Variants in PLA2G4A observed in about 807,000 individuals in gnomAD.
The protein encoded by PLA2G4A is phospholipase A2 group IVA.
A neutral mutation model predicts 81.9 loss-of-function variants in PLA2G4A; 40 were observed. The observed-to-expected ratio is 0.49, with a 90% CI of 0.38 to 0.64. The LOEUF (loss-of-function observed/expected upper bound fraction) is 0.64, where lower values mean the gene tolerates loss of function less well. Among genes scored for constraint, PLA2G4A ranks in the 30% least tolerant of loss-of-function variants. PLA2G4A has a pLI of 0.00. For missense variants in PLA2G4A, 715 were observed against 905.1 expected (o/e 0.79, Z 2.69); for synonymous variants, 302 against 296.9 (o/e 1.02, Z -0.18).
intron 3 of PLA2G4A, among the ~76,000 whole-genome samples, chr1:186,885,320 A>G (rs1383584671): frequency 3.3e-5 from 5 of 152,154 alleles, no homozygotes; most frequent in African/African-American, 1.2e-4. Context: ...ACCAAATTAA[A>G]AGGGGCCTAA....
chr1:186,979,862 A>C (rs950016876), intron 17 of PLA2G4A, among the ~76,000 whole-genome samples: 1 of 151,594 alleles, frequency 6.6e-6, no homozygotes, highest in Non-Finnish European at 1.5e-5. Flanking sequence ...TATAACATGA[A>C]TTTTAATAAA....
chr1:186,983,083 C>CAAAAAAAAAAAAAA (rs542890862), intron 17 of PLA2G4A, among the ~76,000 whole-genome samples: 1 of 99,038 alleles, frequency 1.0e-5, no homozygotes, highest in African/African-American at 3.3e-5. Flanking sequence ...GAGTCTGTCT[C>CAAAAAAAAAAAAAA]AAAAAAAAAA....
At chr1:186,886,365 C>G (rs2102094173) in intron 3 of PLA2G4A, among the ~76,000 whole-genome samples, 1 of 152,172 alleles carries the variant, frequency 6.6e-6, no homozygotes, top group East Asian at 1.9e-4. Context: ...AATGCTGGGT[C>G]TATTGGTTAC....
chr1:186,892,673 A>C (rs1264438951), intron 3 of PLA2G4A, among the ~76,000 whole-genome samples: 4 of 152,154 alleles, frequency 2.6e-5, no homozygotes, highest in African/African-American at 9.7e-5. Flanking sequence ...GGTGAAGGTC[A>C]TGTTGGCGTT....
At chr1:186,956,368 G>A (rs1302556299) in intron 14 of PLA2G4A, 24 bp downstream of exon 14, 2 of 1,596,150 alleles carry the variant, frequency 1.3e-6, no homozygotes, top group Non-Finnish European at 1.7e-6. Flanking sequence ...TATAATTAGT[G>A]GGAGCTAATG....
chr1:186,873,505 T>C (rs1395281474), intron 3 of PLA2G4A, among the ~76,000 whole-genome samples: 2 of 152,096 alleles, frequency 1.3e-5, no homozygotes, highest in East Asian at 3.9e-4. Context: ...GAATGATAGA[T>C]TACTATTGGA....
At chr1:186,847,842 G>A (rs1652239599) in intron 1 of PLA2G4A, among the ~76,000 whole-genome samples, 1 of 151,944 alleles carries the variant, frequency 6.6e-6, no homozygotes, top group Non-Finnish European at 1.5e-5. Context: ...CTCATCAGAG[G>A]GTTTAACATT....
chr1:186,848,626 G>T (rs974807292), intron 1 of PLA2G4A, among the ~76,000 whole-genome samples: 1 of 152,190 alleles, frequency 6.6e-6, no homozygotes, highest in Admixed American at 6.5e-5. Context: ...GCCCTGAATA[G>T]AATCAAAGAA....
intron 1 of PLA2G4A, among the ~76,000 whole-genome samples, chr1:186,836,915 G>A (rs964599731): frequency 6.6e-6 from 1 of 152,168 alleles, no homozygotes; most frequent in African/African-American, 2.4e-5. Flanking sequence ...AGGGCTCTCT[G>A]AGGCATAGAA....
intron 13 of PLA2G4A, among the ~76,000 whole-genome samples, chr1:186,951,702 CAGA>C (rs1471513971): frequency 6.6e-6 from 1 of 152,102 alleles, no homozygotes; most frequent in Admixed American, 6.6e-5. Context: ...ATTACTTCCT[CAGA>C]AGATGTGTTT....
chr1:186,842,751 G>T (rs975112350), intron 1 of PLA2G4A, among the ~76,000 whole-genome samples: 1 of 152,022 alleles, frequency 6.6e-6, no homozygotes, highest in Non-Finnish European at 1.5e-5. Context: ...AACCAAAGCT[G>T]CCAAACTTTG....
chr1:186,831,006 C>A (rs1223700530), intron 1 of PLA2G4A, among the ~76,000 whole-genome samples: 3 of 137,880 alleles, frequency 2.2e-5, no homozygotes, highest in African/African-American at 8.3e-5. Flanking sequence ...TTCTTTCTTT[C>A]TTTCTTTCTT....
chr1:186,866,013 T>C (rs963320366), intron 2 of PLA2G4A, among the ~76,000 whole-genome samples: 2 of 152,196 alleles, frequency 1.3e-5, no homozygotes, highest in South Asian at 2.1e-4. Flanking sequence ...AGATTTGACA[T>C]CTCAATTGAA....
intron 7 of PLA2G4A, among the ~76,000 whole-genome samples, chr1:186,926,836 C>T (rs1014206168): frequency 2.6e-5 from 4 of 152,150 alleles, no homozygotes; most frequent in Admixed American, 6.6e-5. Context: ...TGTATAGGGG[C>T]ACTTAATGTT....
intron 1 of PLA2G4A, among the ~76,000 whole-genome samples, chr1:186,832,872 G>T (rs1047411308): frequency 2.1e-4 from 32 of 152,104 alleles, no homozygotes; most frequent in African/African-American, 7.2e-4. Flanking sequence ...TATAAACAAT[G>T]TTTTTCTCAT....
intron 1 of PLA2G4A, among the ~76,000 whole-genome samples, chr1:186,849,061 A>C (rs577475340): frequency 1.5e-4 from 23 of 152,192 alleles, no homozygotes; most frequent in African/African-American, 5.5e-4. Flanking sequence ...TTTTTAAATA[A>C]ATAGAGAGCT....
At chr1:186,925,003 G>T (rs771665410) in intron 7 of PLA2G4A, among the ~76,000 whole-genome samples, 1 of 152,054 alleles carries the variant, frequency 6.6e-6, no homozygotes, top group East Asian at 2.0e-4. Context: ...AGCCAAGATG[G>T]TGCCACTGCA....
intron 15 of PLA2G4A, among the ~76,000 whole-genome samples, chr1:186,970,942 A>C (rs538669941): frequency 6.6e-6 from 1 of 151,902 alleles, no homozygotes; most frequent in East Asian, 1.9e-4. Context: ...TATTTCTGTA[A>C]AGAATGTCAC....
chr1:186,870,513 A>AT lies in PLA2G4A; in HGVS notation c.113dup (p.Met38IlefsTer3). ...AGTGACAAAGGGGGCCTTTGGTGACATGCGTAAGTGCCCTTTTTTTCTTTG... is the reference window on the plus strand; with the variant it reads ...AGTGACAAAGGGGGCCTTTGGTGACATTGCGTAAGTGCCCTTTTTTTCTTTG... On this transcript the variant is annotated frameshift_variant, in exon 3 of 18. Transcript: ENST00000367466. LOFTEE classifies it high-confidence loss of function. 1 of 1,604,058 alleles carries AT rather than the reference A, an allele frequency of 6.2e-7. No homozygotes were observed. Among genetic ancestry groups the AT allele is most frequent in the Non-Finnish European group, 8.5e-7 (1 of 1,171,050 alleles).
Sources: allele counts gnomAD v4.1 joint callset (sites outside exome capture counted in the v4.1 genomes callset), GRCh38; gene constraint gnomAD v4.1.1; transcripts MANE v1.5; gene names NCBI Gene and HGNC (gene_info 2026-07-23, HGNC 2026-07-21).